The following PRKG2 variants were observed in gnomAD, a reference collection of about 807,000 sequenced individuals.
PRKG2 encodes protein kinase cGMP-dependent 2, also known as cGMP-dependent protein kinase 2.
In PRKG2, 33 loss-of-function variants were observed where a neutral mutation model predicts 97.2. The ratio of observed to expected loss-of-function variants is 0.34; its 90% CI spans 0.26 to 0.45. The LOEUF is 0.45. PRKG2 is among the 20% of genes least tolerant of loss of function. PRKG2 has a pLI of 1.00. For synonymous variants in PRKG2, 330 were observed against 321.8 expected (o/e 1.03, Z -0.27); for missense variants, 638 against 900.0 (o/e 0.71, Z 3.73).
intron 14 of PRKG2, among the ~76,000 whole-genome samples, chr4:81,112,474 G>A (rs889379118): frequency 1.7e-4 from 26 of 152,100 alleles, no homozygotes; most frequent in African/African-American, 5.1e-4. Flanking sequence ...GACTTTTGAC[G>A]CATTTCTTTA....
rs1158011051 is a variant in PRKG2 at position 81,153,814 on chromosome 4, G to A, written c.913-93C>T. On this transcript the variant is annotated intron_variant, in intron 6 of 18. Transcript: ENST00000264399. ...CCAGTATACAGCTCCCAGCGTGAGC[G>A]GCGCAGAAGACGGGTGATTTCTGTA... 20 of 862,230 alleles carry A rather than the reference G, an allele frequency of 2.3e-5. No homozygotes were observed. In the Admixed American group the frequency reaches 3.1e-4, roughly 13 times the overall value. 53.4% of individuals were successfully genotyped at this position (862,230 alleles called of 1,614,324 possible).
chr4:81,150,089 G>C (rs1314251350), intron 8 of PRKG2, among the ~76,000 whole-genome samples: 4 of 152,184 alleles, frequency 2.6e-5, no homozygotes, highest in Non-Finnish European at 5.9e-5. Context: ...GGTAGAGATA[G>C]AGATAGAGAT....
At chr4:81,147,409 T>C (rs912110166) in intron 9 of PRKG2, among the ~76,000 whole-genome samples, 1 of 152,108 alleles carries the variant, frequency 6.6e-6, no homozygotes, top group African/African-American at 2.4e-5. Flanking sequence ...CATTTGAGAG[T>C]TGGCATCCAA....
intron 14 of PRKG2, among the ~76,000 whole-genome samples, chr4:81,123,367 G>A (rs1041231278): frequency 1.3e-5 from 2 of 152,070 alleles, no homozygotes; most frequent in Admixed American, 6.6e-5. Flanking sequence ...CATATTTTAA[G>A]CATATCTCCT....
chr4:81,152,889 CA>C (rs1200928301), intron 7 of PRKG2, among the ~76,000 whole-genome samples: 1 of 152,132 alleles, frequency 6.6e-6, no homozygotes, highest in Non-Finnish European at 1.5e-5. Context: ...GGGCCAAATT[CA>C]AAGTTCAACC....
chr4:81,202,759 C>T (rs1304056379), intron 2 of PRKG2, among the ~76,000 whole-genome samples: 2 of 151,650 alleles, frequency 1.3e-5, no homozygotes, highest in African/African-American at 4.9e-5. Context: ...TATAGCAGAG[C>T]TAATAATTTA....
chr4:81,101,007 C>T (rs556828769), intron 17 of PRKG2, among the ~76,000 whole-genome samples: 55 of 152,104 alleles, frequency 3.6e-4, no homozygotes, highest in Non-Finnish European at 6.5e-4. Context: ...AAATCAAAGC[C>T]ACAATGAGAT....
chr4:81,174,208 T>C (rs770360428), intron 3 of PRKG2, among the ~76,000 whole-genome samples: 2 of 152,098 alleles, frequency 1.3e-5, no homozygotes, highest in Non-Finnish European at 2.9e-5. Context: ...TTGTAAGATA[T>C]GTCATTTGAT....
chr4:81,132,839 CCTCT>C (rs1746313009), intron 14 of PRKG2, among the ~76,000 whole-genome samples: 1 of 151,764 alleles, frequency 6.6e-6, no homozygotes. Context: ...ATTTTTTAAC[CCTCT>C]CTTAGTTTTA....
Position 81,178,598 on chromosome 4 carries a change from TC to T in PRKG2, c.462-3640del, listed in dbSNP as rs565854116. Among the ~76,000 whole-genome samples, 218 of 151,316 alleles carry T rather than the reference TC, an allele frequency of 1.4e-3. 2 individuals carry two copies. The highest frequency in any genetic ancestry group is 4.8e-3 in the African/African-American group (199 of 41,210). ...TGACACGCAAAAGATCAGTTTGCAA[TC>T]CGATAAAATGCAGCTGATAATAATT... On this transcript the variant is annotated intron_variant, in intron 2 of 18. Transcript: ENST00000264399.
intron 14 of PRKG2, among the ~76,000 whole-genome samples, chr4:81,121,061 T>C (rs2110002004): frequency 6.6e-6 from 1 of 152,104 alleles, no homozygotes; most frequent in South Asian, 2.1e-4. Context: ...AATATAATGC[T>C]TTTTTTTCAG....
In PRKG2 at chr4:81,201,391, C is replaced by T. The variant is rs746166655; in HGVS notation, c.461+3196G>A. 8.5e-5 allele frequency among the ~76,000 whole-genome samples: 13 copies of T among 152,134 alleles called. 1 individual carries two copies. Among genetic ancestry groups the T allele is most frequent in the Non-Finnish European group, 1.3e-4 (9 of 68,020 alleles). ...AAAGTTCTACTGGACAGCACTGAAT[C>T]TAGAACCTGAAATTAAAATGCAGAT... On this transcript the variant is annotated intron_variant, in intron 2 of 18. Transcript: ENST00000264399.
At chr4:81,090,858 T>C (rs1212568765) in intron 18 of PRKG2, among the ~76,000 whole-genome samples, 1 of 152,190 alleles carries the variant, frequency 6.6e-6, no homozygotes, top group Non-Finnish European at 1.5e-5. Context: ...CTGAATCTGA[T>C]CCCATTCTTC....
At position 81,204,841 on chromosome 4, in the gene PRKG2, T is replaced by G; in HGVS notation, c.207A>C (p.Thr69=). 6.2e-7 allele frequency: 1 copy of G among 1,614,194 alleles called. No individual in the cohort carries two copies. The highest frequency in any genetic ancestry group is 1.7e-4 in the Middle Eastern group (1 of 6,060). The change falls in exon 2 of 19, where the codon ACA becomes ACC. Residue 69 remains threonine (T), a synonymous_variant. Coordinates refer to ENST00000264399, the MANE Select transcript of PRKG2 (RefSeq NM_006259.3). ...GGATGCACTTGTTCTGGAGCTCCTC[T>G]GTGAGTTCAGCAATGGCCACAGTCT... ...SKQTVAIAEL[T]EELQNKCIQL... is the part of the protein sequence containing the mutation.
chr4:81,153,794 A>G, intron 6 of PRKG2, 73 bp from the exon 7 acceptor site: 3 of 1,053,654 alleles, frequency 2.8e-6, no homozygotes, highest in Non-Finnish European at 4.4e-6. Context: ...CAGCTCCAGT[A>G]TACAGCTCCC....
At chr4:81,217,031 G>GTGTATATATA (rs1553933203), upstream of PRKG2, among the ~76,000 whole-genome samples, 25 of 115,276 alleles carry the variant, frequency 2.2e-4, 1 homozygote, top group Middle Eastern at 4.8e-3. Flanking sequence ...TATATATTTT[G>GTGTATATATA]TATATATATA....
At chr4:81,120,736 C>A (rs571309808) in intron 14 of PRKG2, among the ~76,000 whole-genome samples, 42 of 152,238 alleles carry the variant, frequency 2.8e-4, no homozygotes, top group African/African-American at 1.0e-3. Context: ...ATAATCATAT[C>A]ATTTGTGAGC....
At chr4:81,216,607 C>T (rs1461730793), upstream of PRKG2, among the ~76,000 whole-genome samples, 1 of 152,048 alleles carries the variant, frequency 6.6e-6, no homozygotes, top group Non-Finnish European at 1.5e-5. Flanking sequence ...GTGGTGAGGT[C>T]TGGGCTTTTA....
intron 5 of PRKG2, among the ~76,000 whole-genome samples, chr4:81,167,858 G>A (rs1750122715): frequency 6.6e-6 from 1 of 151,858 alleles, no homozygotes. Flanking sequence ...ATACTCTCAA[G>A]GAGAAGAGGA....
Sources: gnomAD v4.1 joint callset for allele counts (sites outside exome capture counted in the v4.1 genomes callset) on GRCh38, gnomAD v4.1.1 for gene constraint, MANE v1.5 for transcripts, NCBI Gene and HGNC (gene_info 2026-07-23, HGNC 2026-07-21) for gene names.